The following UNC5D variants were observed in gnomAD, a reference collection of about 807,000 sequenced individuals.
The protein encoded by UNC5D is unc-5 netrin receptor D.
Under a neutral mutation model 105.4 loss-of-function variants are expected in UNC5D, and 39 were observed. The ratio of observed to expected loss-of-function variants is 0.37; its 90% confidence interval spans 0.29 to 0.48. The LOEUF is 0.48. Among genes scored for constraint, UNC5D ranks in the 20% least tolerant of loss-of-function variants. UNC5D has a pLI of 0.98. For synonymous variants in UNC5D, 452 were observed against 450.4 expected (o/e 1.00, Z -0.04); for missense variants, 991 against 1,202.4 (o/e 0.82, Z 2.60).
intron 4 of UNC5D, among the ~76,000 whole-genome samples, chr8:35,677,186 A>G (rs1825295927): frequency 6.6e-6 from 1 of 152,208 alleles, no homozygotes; most frequent in Admixed American, 6.5e-5. Flanking sequence ...ATGACACATG[A>G]AAAGCAAAAG....
At chr8:35,271,616 TA>T in intron 1 of UNC5D, among the ~76,000 whole-genome samples, 1 of 141,304 alleles carries the variant, frequency 7.1e-6, no homozygotes, top group South Asian at 2.1e-4. Context: ...TTATATATTA[TA>T]TTACATGTAA....
At chr8:35,663,006 C>A (rs1824204357) in intron 4 of UNC5D, among the ~76,000 whole-genome samples, 1 of 152,212 alleles carries the variant, frequency 6.6e-6, no homozygotes, top group Non-Finnish European at 1.5e-5. Flanking sequence ...GCCTGACGAT[C>A]TGAGGTAGAA....
intron 1 of UNC5D, among the ~76,000 whole-genome samples, chr8:35,320,059 A>G (rs887629499): frequency 3.9e-5 from 6 of 152,238 alleles, no homozygotes; most frequent in Non-Finnish European, 7.4e-5. Flanking sequence ...CCGGTGGCCC[A>G]TGAAACAGCC....
intron 3 of UNC5D, among the ~76,000 whole-genome samples, chr8:35,589,555 C>T (rs1394833993): frequency 6.6e-6 from 1 of 151,966 alleles, no homozygotes; most frequent in East Asian, 1.9e-4. Flanking sequence ...TTAGTATACT[C>T]ACAGAGTTGT....
intron 14 of UNC5D, 66 bp downstream of exon 14, chr8:35,759,535 T>C: frequency 6.4e-7 from 1 of 1,552,610 alleles, no homozygotes; most frequent in South Asian, 1.2e-5. Flanking sequence ...TCACAGATCC[T>C]GGCAAGGGTC....
intron 9 of UNC5D, among the ~76,000 whole-genome samples, chr8:35,723,896 C>T (rs1344805239): frequency 6.6e-6 from 1 of 152,036 alleles, no homozygotes; most frequent in African/African-American, 2.4e-5. Flanking sequence ...CTGTTATCCT[C>T]TTGAGTCTCA....
At chr8:35,499,149 G>A in intron 1 of UNC5D, among the ~76,000 whole-genome samples, 1 of 152,264 alleles carries the variant, frequency 6.6e-6, no homozygotes, top group South Asian at 2.1e-4. Flanking sequence ...TGTTTCTCTA[G>A]CTAAGAATAA....
At chr8:35,765,382 T>C (rs72637520) in intron 14 of UNC5D, among the ~76,000 whole-genome samples, 44 of 152,336 alleles carry the variant, frequency 2.9e-4, no homozygotes, top group Non-Finnish European at 5.1e-4. Context: ...TGCCAGATGG[T>C]TTCCTGCCTA....
chr8:35,576,793 T>C (rs1563552432), intron 3 of UNC5D, among the ~76,000 whole-genome samples: 1 of 152,122 alleles, frequency 6.6e-6, no homozygotes, highest in African/African-American at 2.4e-5. Context: ...TTTTGTATTT[T>C]TAGTAGAGAT....
intron 1 of UNC5D, among the ~76,000 whole-genome samples, chr8:35,487,580 CA>C (rs1810906813): frequency 6.6e-6 from 1 of 151,600 alleles, no homozygotes; most frequent in African/African-American, 2.4e-5. Flanking sequence ...CACACACACA[CA>C]CACACACACA....
At position 35,349,414 on chromosome 8, in the gene UNC5D, C is replaced by A. The variant is rs547592887; in HGVS notation, c.103+113527C>A. On this transcript the variant is annotated intron_variant, in intron 1 of 16. Coordinates refer to ENST00000404895, the MANE Select transcript of UNC5D (RefSeq NM_080872.4). ...CTGAATGTTGAGCCATTTCACAATG[C>A]AATATCAAAACCATTTTCATTACTA... Among the ~76,000 whole-genome samples the A allele has an allele frequency of 2.6e-5, 4 of 152,066 alleles. 1 individual carries two copies. Among genetic ancestry groups the A allele is most frequent in the African/African-American group, 9.6e-5 (4 of 41,542 alleles).
At chr8:35,342,322 T>C (rs1811512246) in intron 1 of UNC5D, among the ~76,000 whole-genome samples, 1 of 152,126 alleles carries the variant, frequency 6.6e-6, no homozygotes, top group South Asian at 2.1e-4. Flanking sequence ...ATATGGGATT[T>C]GATCCTCTAC....
intron 4 of UNC5D, among the ~76,000 whole-genome samples, chr8:35,635,361 T>C (rs896603054): frequency 6.6e-6 from 1 of 152,154 alleles, no homozygotes; most frequent in Non-Finnish European, 1.5e-5. Flanking sequence ...TCTTTTGACT[T>C]TGAAAGGGAT....
chr8:35,428,420 A>G (rs1023670829), intron 1 of UNC5D, among the ~76,000 whole-genome samples: 10 of 142,126 alleles, frequency 7.0e-5, no homozygotes, highest in African/African-American at 2.7e-4. Context: ...TCCTGGGCTC[A>G]AGCGATCCTC....
At chr8:35,539,860 C>T (rs965425095) in intron 1 of UNC5D, among the ~76,000 whole-genome samples, 4 of 152,044 alleles carry the variant, frequency 2.6e-5, no homozygotes, top group Non-Finnish European at 5.9e-5. Flanking sequence ...TTTCGTTTTC[C>T]CTCTTTTGTT....
At chr8:35,464,786 G>A (rs1809175198) in intron 1 of UNC5D, among the ~76,000 whole-genome samples, 1 of 152,278 alleles carries the variant, frequency 6.6e-6, no homozygotes, top group East Asian at 1.9e-4. Flanking sequence ...CATCTCCCAA[G>A]TCATGGGCTA....
rs184246177 is a variant in UNC5D at position 35,292,703 on chromosome 8, C to T, written c.103+56816C>T. Among the ~76,000 whole-genome samples the T allele has an allele frequency of 3.5e-4, 52 of 147,634 alleles. No homozygotes were observed. In the East Asian group the frequency reaches 9.6e-3, roughly 27 times the overall value. Reference sequence around the variant, plus strand: ...GTTATTTTGCTATATGCTGTAGTCCCTCCTTTTTTTTCCTTTTTTTTTTTT... The same window carrying T: ...GTTATTTTGCTATATGCTGTAGTCCTTCCTTTTTTTTCCTTTTTTTTTTTT... On this transcript the variant is annotated intron_variant, in intron 1 of 16. Coordinates refer to ENST00000404895, the MANE Select transcript of UNC5D (RefSeq NM_080872.4).
At chr8:35,584,384 TTTTG>T (rs754942447) in intron 3 of UNC5D, among the ~76,000 whole-genome samples, 185 of 151,512 alleles carry the variant, frequency 1.2e-3, no homozygotes, top group African/African-American at 3.9e-3. Context: ...TGGGCCTGTT[TTTTG>T]TTTGTTTGTT....
At chr8:35,636,231 GGTTTT>G (rs1442263795) in intron 4 of UNC5D, among the ~76,000 whole-genome samples, 1 of 152,132 alleles carries the variant, frequency 6.6e-6, no homozygotes, top group African/African-American at 2.4e-5. Flanking sequence ...TCGAATGATG[GGTTTT>G]GTACCTACCG....
Sources: gnomAD v4.1 joint callset for allele counts (sites outside exome capture counted in the v4.1 genomes callset) on GRCh38, gnomAD v4.1.1 for gene constraint, MANE v1.5 for transcripts, NCBI Gene and HGNC (gene_info 2026-07-23, HGNC 2026-07-21) for gene names.